Variants in PODNL1 observed in about 807,000 individuals in gnomAD.
PODNL1 encodes podocan like 1, also known as podocan-like protein 1.
A neutral mutation model predicts 45.1 loss-of-function variants in PODNL1; 50 were observed. That is an observed-to-expected ratio of 1.11 (90% CI 0.88 to 1.40). PODNL1 has a LOEUF of 1.40. PODNL1 is among the 40% of genes most tolerant of loss of function. The probability of loss-of-function intolerance (pLI) is 0.00; values close to 1 mark genes in which losing one functional copy is unlikely to be tolerated. For missense variants in PODNL1, 788 were observed against 793.3 expected (o/e 0.99, Z 0.08); for synonymous variants, 406 against 372.5 (o/e 1.09, Z -1.04).
At chr19:13,938,848 C>T (rs183819837), upstream of PODNL1, among the ~76,000 whole-genome samples, 141 of 152,196 alleles carry the variant, frequency 9.3e-4, no homozygotes, top group Admixed American at 8.6e-3. Flanking sequence ...TTGGTGCCAG[C>T]CTGCCTGGGT....
chr19:13,937,827 G>C lies in PODNL1; in HGVS notation c.183C>G (p.Phe61Leu). 6.3e-7 allele frequency: 1 copy of C among 1,595,926 alleles called. No individual in the cohort carries two copies. The highest frequency in any genetic ancestry group is 8.5e-7 in the Non-Finnish European group (1 of 1,172,816). The change falls in exon 2 of 10, where the codon TTC becomes TTG. Residue 61 changes from phenylalanine to leucine, a missense_variant. Phe to Leu is a conservative substitution (Grantham distance 22). Transcript: ENST00000588872. ...GAGCGGCTCTGGTGATGTTGTCCGG[G>C]AACACTCGAAGGTCCAAGCCATCAC... is the stretch of plus-strand genomic sequence containing the variant. ...VDCDGLDLRV[F>L]PDNITRAAQH...
chr19:13,932,678 T>C (rs764985336), intron 8 of PODNL1, 120 bp downstream of exon 8: 1 of 1,584,448 alleles, frequency 6.3e-7, no homozygotes, highest in Admixed American at 1.7e-5. Context: ...TCTAACCCAC[T>C]CTTATCATTT....
chr19:13,945,462 C>T lies in PODNL1; in HGVS notation c.19-7456G>A, dbSNP rs141756093. Among the ~76,000 whole-genome samples the T allele has an allele frequency of 4.3e-3, 654 of 151,948 alleles. 4 individuals carry two copies. The highest frequency in any genetic ancestry group is 0.014 in the Middle Eastern group (4 of 294). On this transcript the variant is annotated intron_variant, in intron 1 of 7. Transcript: ENST00000538371. ...ATGAGCCCGGGAGTTCAAGACCAGC[C>T]TGAGAAACAAAGTGAGACCCTGTCT...
rs761362596 is a variant in PODNL1, at chr19:13,936,053, G to A, written c.320-9C>T. ...GGCCTCGTCAGGCAGGCCTGGGAGA[G>A]TAGGGGGGCAGTGAAGGGACCCCAG... On this transcript the variant is annotated splice_polypyrimidine_tract_variant and intron_variant, in intron 3 of 9. Coordinates refer to ENST00000588872, the MANE Select transcript of PODNL1 (RefSeq NM_001370095.3). 12 of 1,549,104 alleles carry A rather than the reference G, an allele frequency of 7.7e-6. No individual in the cohort carries two copies. The Admixed American group carries it at 2.4e-4, about 30-fold the overall frequency.
At chr19:13,945,924 A>C (rs1972801422) in intron 1 of PODNL1, among the ~76,000 whole-genome samples, 1 of 151,286 alleles carries the variant, frequency 6.6e-6, no homozygotes, top group Non-Finnish European at 1.5e-5. Flanking sequence ...AGCTGGGCAC[A>C]GTGGTGCATG....
upstream of PODNL1, among the ~76,000 whole-genome samples, chr19:13,942,360 T>C (rs1426404267): frequency 6.6e-6 from 1 of 152,146 alleles, no homozygotes; most frequent in Non-Finnish European, 1.5e-5. Context: ...TCCCTGGCTT[T>C]AGTAGAAAGC....
intron 1 of PODNL1, chr19:13,952,374 G>A: frequency 8.8e-7 from 1 of 1,140,948 alleles, no homozygotes; most frequent in Non-Finnish European, 1.1e-6. Context: ...GAGTCGAGAT[G>A]GCTTTGATGG....
At chr19:13,948,262 A>G (rs905806236) in intron 1 of PODNL1, among the ~76,000 whole-genome samples, 1 of 149,218 alleles carries the variant, frequency 6.7e-6, no homozygotes, top group African/African-American at 2.5e-5. Flanking sequence ...GCAGTGGCGC[A>G]ATCTCGGCTC....
rs956582929 is a variant in PODNL1, at chr19:13,937,805, C to T, written c.205G>A (p.Ala69Thr). 1.1e-5 allele frequency: 17 copies of T among 1,589,540 alleles called. No individual in the cohort carries two copies. The highest frequency in any genetic ancestry group is 9.0e-5 in the Admixed American group (5 of 55,324). Residue 69 changes from alanine (A) to threonine (T), a missense_variant, in exon 2 of 10, where the codon GCT becomes ACT. By Grantham distance (58) the Ala-to-Thr change is moderately conservative. Coordinates refer to ENST00000588872, the MANE Select transcript of PODNL1 (RefSeq NM_001370095.3). ...CCCACCTGCAGGGAGAGGTGCTGAG[C>T]GGCTCTGGTGATGTTGTCCGGGAAC... ...RVFPDNITRA[A>T]QHLSLQNNQL...
intron 1 of PODNL1, among the ~76,000 whole-genome samples, chr19:13,952,140 A>G (rs1973064181): frequency 1.3e-5 from 2 of 152,350 alleles, no homozygotes; most frequent in Admixed American, 1.3e-4. Flanking sequence ...GGTGGACCAC[A>G]GGCTCCCGTC....
Position 13,931,603 on chromosome 19 carries a change from G to T in PODNL1, c.*134C>A. The T allele has an allele frequency of 1.0e-6, 1 of 983,618 alleles. No homozygotes were observed. The highest frequency in any genetic ancestry group is 1.3e-6 in the Non-Finnish European group (1 of 762,440). The allele number at this position is 983,618 out of a possible 1,614,324, so 60.9% of individuals were successfully genotyped here. ...GCTGTGTGCCTCTGTGTCTCGGCCA[G>T]TGGCAGGCAGAGCAGGCCCAGCCCT... On this transcript the variant is annotated 3_prime_UTR_variant, in exon 10 of 10. Transcript: ENST00000588872.
intron 6 of PODNL1, 40 bp downstream of exon 6, chr19:13,934,214 A>G: frequency 1.3e-6 from 2 of 1,489,236 alleles, no homozygotes; most frequent in African/African-American, 1.4e-5. Flanking sequence ...GAAAGAGGTG[A>G]AGAGAGTCTG....
chr19:13,953,188 G>A (rs1973165389), exon 1 of PODNL1: 2 of 1,490,162 alleles, frequency 1.3e-6, no homozygotes, highest in African/African-American at 2.9e-5. Flanking sequence ...CGCAGAGTGA[G>A]AGTTACCGAA....
At position 13,936,455 on chromosome 19, in the gene PODNL1, G is replaced by C; in HGVS notation, c.231C>G (p.Asn77Lys). Residue 77 changes from asparagine to lysine, a missense_variant, in exon 3 of 10, where the codon AAC becomes AAG. Around this residue, in one of 3 missense-constraint regions of PODNL1, gnomAD observed 762 missense variants for 750.9 expected, o/e 1.01. Transcript: ENST00000588872. The stretch of plus-strand genomic sequence containing the variant: ...CATTGTAGGGGAGTTCCTGGAGCTG[G>C]TTGTTCTGCAGGGTGAGAGTTGGGG... ...RAAQHLSLQN[N>K]QLQELPYNEL... The C allele has an allele frequency of 6.2e-7, 1 of 1,612,822 alleles. No homozygotes were observed. The highest frequency in any genetic ancestry group is 1.7e-4 in the Middle Eastern group (1 of 6,056).
At position 13,934,235 on chromosome 19, in the gene PODNL1, G is replaced by A. The variant is rs776919839; in HGVS notation, c.651+19C>T. The A allele has an allele frequency of 6.7e-7, 1 of 1,495,714 alleles. No individual in the cohort carries two copies. Among genetic ancestry groups the A allele is most frequent in the East Asian group, 2.3e-5 (1 of 43,054 alleles). 92.7% of individuals were successfully genotyped at this position (1,495,714 alleles called of 1,614,324 possible). A position where few individuals can be genotyped will look rare whatever the true frequency, so the allele number is the denominator to read the frequency against. On this transcript the variant is annotated intron_variant, in intron 6 of 9. Coordinates refer to ENST00000588872, the MANE Select transcript of PODNL1 (RefSeq NM_001370095.3). The stretch of plus-strand genomic sequence containing the variant: ...GGTGAAGAGAGTCTGGCCCGGGGTG[G>A]GACCTACAGCAGGGCTACCTGCAGG...
At chr19:13,936,219 A>C in intron 3 of PODNL1, 148 bp downstream of exon 3, 1 of 955,588 alleles carries the variant, frequency 1.0e-6, no homozygotes, top group Admixed American at 2.2e-5. Flanking sequence ...CCCCCACCCC[A>C]GCTCCTGAGT....
Position 13,938,337 on chromosome 19 carries a change from TG to T in PODNL1, c.-157del, listed in dbSNP as rs1568438688. The T allele has an allele frequency of 7.0e-7, 1 of 1,423,276 alleles. No individual in the cohort carries two copies. Among genetic ancestry groups the T allele is most frequent in the Non-Finnish European group, 9.2e-7 (1 of 1,086,288 alleles). 88.2% of individuals were successfully genotyped at this position (1,423,276 alleles called of 1,614,324 possible). A position where few individuals can be genotyped will look rare whatever the true frequency, so the allele number is the denominator to read the frequency against. ...ACAACAGCCTGTTCTCCCGGGGCTT[TG>T]GGGGAGCTGGCCCACCCCCTTCCCC... On this transcript the variant is annotated 5_prime_UTR_variant, in exon 1 of 10. Transcript: ENST00000588872.
At chr19:13,940,917 T>C (rs1455790140), upstream of PODNL1, among the ~76,000 whole-genome samples, 1 of 151,170 alleles carries the variant, frequency 6.6e-6, no homozygotes, top group Non-Finnish European at 1.5e-5. Flanking sequence ...CATGGTGGTG[T>C]TGCCTGTAGT....
intron 1 of PODNL1, among the ~76,000 whole-genome samples, chr19:13,946,038 TA>T (rs1332653905): frequency 6.6e-6 from 1 of 151,854 alleles, no homozygotes; most frequent in African/African-American, 2.4e-5. Flanking sequence ...ACCCTGTTTC[TA>T]AAAAAGAAAA....
Sources: gnomAD v4.1 joint callset for allele counts (sites outside exome capture counted in the v4.1 genomes callset) on GRCh38, gnomAD v4.1.1 for gene constraint, gnomAD v4.1.1 regional missense constraint, MANE v1.5 for transcripts, NCBI Gene and HGNC (gene_info 2026-07-23, HGNC 2026-07-21) for gene names.